Variants in SNTB2 observed in about 807,000 individuals in gnomAD.
SNTB2 encodes the protein syntrophin beta 2, also known as beta-2-syntrophin.
SNTB2 carries 34 observed loss-of-function variants against 46.2 expected under a neutral mutation model. The observed-to-expected ratio is 0.74, with a 90% CI of 0.56 to 0.98. SNTB2 has a LOEUF of 0.98. Among genes scored for constraint, SNTB2 ranks in the 50% least tolerant of loss-of-function variants. The pLI, the probability that SNTB2 is intolerant of heterozygous loss-of-function variation, is 0.00. For synonymous variants in SNTB2, 290 were observed against 312.6 expected, an observed-to-expected ratio of 0.93 and a Z score of 0.76; for missense variants, 603 against 731.4, an observed-to-expected ratio of 0.82 and a Z score of 2.02.
chr16:69,308,651 C>T lies in SNTB2; in HGVS notation c.*7727C>T, dbSNP rs541642472. 3 of 152,180 alleles carry T rather than the reference C, an allele frequency of 2.0e-5. No individual in the cohort carries two copies. Among genetic ancestry groups the T allele is most frequent in the Non-Finnish European group, 4.4e-5 (3 of 68,034 alleles). The allele number at this position is 152,180 out of a possible 1,614,324, so 9.4% of individuals were successfully genotyped here. A position where few individuals can be genotyped will look rare whatever the true frequency, so the allele number is the denominator to read the frequency against. On this transcript the variant is annotated 3_prime_UTR_variant, in exon 7 of 7. Transcript: ENST00000336278. ...ACCTGCTTATGTGGATTCTTTTCCA[C>T]ACTGCTTTCATTTTTAAGTATAAAG...
intron 5 of SNTB2, among the ~76,000 whole-genome samples, chr16:69,288,360 C>T (rs1271924233): frequency 3.9e-5 from 6 of 152,210 alleles, no homozygotes; most frequent in African/African-American, 1.4e-4. Flanking sequence ...TGAGAGCCAG[C>T]TGGTTCCTTG....
chr16:69,226,338 T>C (rs112894900), intron 1 of SNTB2, among the ~76,000 whole-genome samples: 7,597 of 151,750 alleles, frequency 0.05, 262 homozygotes, highest in Non-Finnish European at 0.071. Context: ...CCCCAAGTGC[T>C]GGGATTACAG....
chr16:69,241,272 G>A (rs1364761411), intron 1 of SNTB2, among the ~76,000 whole-genome samples: 1 of 145,458 alleles, frequency 6.9e-6, no homozygotes, highest in Admixed American at 6.9e-5. Flanking sequence ...TGCCACCTGG[G>A]TTCAAGCAAT....
chr16:69,292,951 A>C (rs1333580983), intron 5 of SNTB2, among the ~76,000 whole-genome samples: 1 of 152,148 alleles, frequency 6.6e-6, no homozygotes, highest in African/African-American at 2.4e-5. Flanking sequence ...TCTGAGAAGT[A>C]GTAGTCAGAG....
intron 5 of SNTB2, among the ~76,000 whole-genome samples, chr16:69,292,367 T>TTA (rs1555501222): frequency 4.9e-5 from 1 of 20,324 alleles, no homozygotes; most frequent in Non-Finnish European, 9.6e-5. Flanking sequence ...TATATATATA[T>TTA]ATATATATAT....
At chr16:69,198,896 G>GTTTT (rs1206371769) in intron 1 of SNTB2, among the ~76,000 whole-genome samples, 6 of 127,688 alleles carry the variant, frequency 4.7e-5, no homozygotes, top group African/African-American at 8.7e-5. Context: ...ATATAATAAT[G>GTTTT]TTTTTTTTTT....
chr16:69,201,905 G>C (rs1299622670), intron 1 of SNTB2, among the ~76,000 whole-genome samples: 1 of 152,048 alleles, frequency 6.6e-6, no homozygotes, highest in Non-Finnish European at 1.5e-5. Context: ...ATTGCTTCAG[G>C]ATATCAGTCT....
intron 5 of SNTB2, among the ~76,000 whole-genome samples, chr16:69,289,607 C>T (rs1309079672): frequency 2.6e-5 from 4 of 152,008 alleles, no homozygotes; most frequent in Non-Finnish European, 4.4e-5. Context: ...AACAAAATAT[C>T]GCATGTACCC....
intron 1 of SNTB2, among the ~76,000 whole-genome samples, chr16:69,198,522 TC>T (rs1379102693): frequency 6.6e-6 from 1 of 152,212 alleles, no homozygotes; most frequent in Non-Finnish European, 1.5e-5. Context: ...CCATTCTTAT[TC>T]CTCTACCACT....
At chr16:69,276,470 GT>G (rs781747915) in intron 4 of SNTB2, among the ~76,000 whole-genome samples, 2 of 152,210 alleles carry the variant, frequency 1.3e-5, no homozygotes, top group Non-Finnish European at 2.9e-5. Flanking sequence ...TTTAATGTCT[GT>G]TTTGGGATTA....
chr16:69,226,163 C>T (rs1467454824), intron 1 of SNTB2, among the ~76,000 whole-genome samples: 2 of 152,108 alleles, frequency 1.3e-5, no homozygotes, highest in Non-Finnish European at 2.9e-5. Context: ...CCTCTGCTTC[C>T]TGGGTTAAAG....
At position 69,187,170 on chromosome 16, in the gene SNTB2, A is replaced by G; in HGVS notation, c.4A>G (p.Arg2Gly). Residue 2 changes from arginine (R) to glycine (G), a missense_variant, in exon 1 of 7, where the codon AGG becomes GGG. Coordinates refer to ENST00000336278, the MANE Select transcript of SNTB2 (RefSeq NM_006750.4). ...GCGCCGAGGCTGCCTGACTGGAATG[A>G]GGGTAGCTGCGGCGACTGCGGCGGC... is the stretch of plus-strand genomic sequence containing the variant. M[R>G]VAAATAAAGA... is the part of the protein sequence containing the mutation. 2 of 1,355,774 alleles carry G rather than the reference A, an allele frequency of 1.5e-6. No homozygotes were observed. Among genetic ancestry groups the G allele is most frequent in the Non-Finnish European group, 1.9e-6 (2 of 1,051,212 alleles). 84.0% of individuals were successfully genotyped at this position (1,355,774 alleles called of 1,614,324 possible). A position where few individuals can be genotyped will look rare whatever the true frequency, so the allele number is the denominator to read the frequency against.
chr16:69,247,474 C>T (rs1964681897), intron 2 of SNTB2, among the ~76,000 whole-genome samples: 1 of 152,150 alleles, frequency 6.6e-6, no homozygotes, highest in African/African-American at 2.4e-5. Context: ...TCTTAATGCA[C>T]AGCCAGGTCC....
rs866003127 is a variant in SNTB2, at chr16:69,307,780, A to T, written c.*6856A>T. 1 of 151,696 alleles carries T rather than the reference A, an allele frequency of 6.6e-6. No individual in the cohort carries two copies. Among genetic ancestry groups the T allele is most frequent in the Non-Finnish European group, 1.5e-5 (1 of 67,962 alleles). 9.4% of individuals were successfully genotyped at this position (151,696 alleles called of 1,614,324 possible). On this transcript the variant is annotated 3_prime_UTR_variant, in exon 7 of 7. Coordinates refer to ENST00000336278, the MANE Select transcript of SNTB2 (RefSeq NM_006750.4). ...GGCAACACAGCGGGACCCCGACTCCATTTAAAAAATTAAAAAAAAAAAAAA... is the reference window on the plus strand; with the variant it reads ...GGCAACACAGCGGGACCCCGACTCCTTTTAAAAAATTAAAAAAAAAAAAAA...
chr16:69,268,006 A>T (rs756377873), intron 3 of SNTB2, among the ~76,000 whole-genome samples: 5 of 152,184 alleles, frequency 3.3e-5, no homozygotes, highest in Admixed American at 6.5e-5. Flanking sequence ...AGTTTTGATG[A>T]TGACAGGGCT....
chr16:69,278,566 C>T (rs556450089), intron 4 of SNTB2, among the ~76,000 whole-genome samples: 2 of 152,014 alleles, frequency 1.3e-5, no homozygotes, highest in Admixed American at 1.3e-4. Context: ...AGCGATTCTC[C>T]TGCCTCAGCC....
At chr16:69,272,475 G>C (rs1037768534) in intron 4 of SNTB2, among the ~76,000 whole-genome samples, 4 of 151,390 alleles carry the variant, frequency 2.6e-5, no homozygotes, top group African/African-American at 9.7e-5. Context: ...GGGAGGCAGA[G>C]GTTGCTGTGA....
intron 1 of SNTB2, among the ~76,000 whole-genome samples, chr16:69,218,462 C>T (rs1184653130): frequency 6.6e-6 from 1 of 151,188 alleles, no homozygotes; most frequent in East Asian, 1.9e-4. Context: ...CACTTTGTTG[C>T]CCAGGCTGGA....
In SNTB2 at chr16:69,305,525, A is replaced by C. The variant is rs1166632400; in HGVS notation, c.*4601A>C. 6.6e-6 allele frequency: 1 copy of C among 152,246 alleles called. No individual in the cohort carries two copies. The highest frequency in any genetic ancestry group is 1.5e-5 in the Non-Finnish European group (1 of 68,046). The allele number at this position is 152,246 out of a possible 1,614,324, so 9.4% of individuals were successfully genotyped here. On this transcript the variant is annotated 3_prime_UTR_variant, in exon 7 of 7. Coordinates refer to ENST00000336278, the MANE Select transcript of SNTB2 (RefSeq NM_006750.4). ...TTTTCAATTCCTAATGAATAAGTAAAATGCCAGATCTCTTTGGTCTCAAAG... is the reference window on the plus strand; with the variant it reads ...TTTTCAATTCCTAATGAATAAGTAACATGCCAGATCTCTTTGGTCTCAAAG...
Sources: gnomAD v4.1 joint callset for allele counts (sites outside exome capture counted in the v4.1 genomes callset) on GRCh38, gnomAD v4.1.1 for gene constraint, MANE v1.5 for transcripts, NCBI Gene and HGNC (gene_info 2026-07-23, HGNC 2026-07-21) for gene names.